Variants in UNC50 observed in about 807,000 individuals in gnomAD.
UNC50 encodes the protein unc-50 inner nuclear membrane RNA binding protein.
Under a neutral mutation model 31.5 loss-of-function variants are expected in UNC50, and 24 were observed. The observed-to-expected ratio is 0.76, with a 90% CI of 0.55 to 1.07. The LOEUF is 1.07. UNC50 is among the 50% of genes least tolerant of loss of function. The pLI is 0.00. For synonymous variants in UNC50, 118 were observed against 114.7 expected, an observed-to-expected ratio of 1.03 and a Z score of -0.18; for missense variants, 245 against 304.2, an observed-to-expected ratio of 0.81 and a Z score of 1.45.
At chr2:98,616,107 G>A (rs944079262) in intron 3 of UNC50, 100 bp from the exon 4 acceptor site, 2 of 1,222,844 alleles carry the variant, frequency 1.6e-6, no homozygotes, top group Non-Finnish European at 2.3e-6. Context: ...TTGTTTACTG[G>A]TATATCTCCA....
At chr2:98,616,130 T>C (rs1700915720) in intron 3 of UNC50, 77 bp from the exon 4 acceptor site, 1 of 1,437,240 alleles carries the variant, frequency 7.0e-7, no homozygotes, top group African/African-American at 1.4e-5. Flanking sequence ...ATTTAGAATG[T>C]CTGCCGCATA....
rs755322666 is a variant in UNC50 at position 98,618,190 on chromosome 2, A to G, written c.666A>G (p.Thr222=). ...CAGCATTGCCATTTTTGAAAAATAC[A>G]GTAATTCTTCTGTATCCATTTGCAC... is the stretch of plus-strand genomic sequence containing the variant. ...GYSALPFLKN[T]VILLYPFAPL... Residue 222 remains threonine, a synonymous_variant, in exon 6 of 6, where the codon ACA becomes ACG. Transcript: ENST00000357765. The G allele has an allele frequency of 1.9e-6, 3 of 1,591,546 alleles. No homozygotes were observed. The highest frequency in any genetic ancestry group is 1.2e-5 in the South Asian group (1 of 86,194).
chr2:98,616,952 C>T (rs1389661690), intron 5 of UNC50, among the ~76,000 whole-genome samples: 4 of 152,170 alleles, frequency 2.6e-5, no homozygotes, highest in Non-Finnish European at 5.9e-5. Flanking sequence ...TTACATAGGT[C>T]TATGAACTGA....
intron 5 of UNC50, among the ~76,000 whole-genome samples, chr2:98,617,651 A>T (rs1166964484): frequency 6.6e-6 from 1 of 152,208 alleles, no homozygotes. Context: ...TTGGAGCCAG[A>T]CTTTTATATT....
intron 3 of UNC50, among the ~76,000 whole-genome samples, chr2:98,613,881 A>G (rs1700878209): frequency 6.6e-6 from 1 of 152,262 alleles, no homozygotes; most frequent in South Asian, 2.1e-4. Context: ...AGAAGCCAGC[A>G]TAAGGTGGTG....
At position 98,618,383 on chromosome 2, in the gene UNC50, C is replaced by CTA. The variant is rs1700976254; in HGVS notation, c.*81_*82dup. 2.8e-6 allele frequency: 4 copies of CTA among 1,436,748 alleles called. No homozygotes were observed. The highest frequency in any genetic ancestry group is 3.7e-6 in the Non-Finnish European group (4 of 1,083,464). The allele number at this position is 1,436,748 out of a possible 1,614,324, so 89.0% of individuals were successfully genotyped here. ...ATTTCTTGTAAAACTTGTAAATAAA[C>CTA]TATCATCTTTGTAGATATCTTAAAG... On this transcript the variant is annotated 3_prime_UTR_variant, in exon 6 of 6. Transcript: ENST00000357765.
At position 98,611,905 on chromosome 2, in the gene UNC50, C is replaced by A. The variant is rs191266484; in HGVS notation, c.401+1010C>A. 3.1e-3 allele frequency among the ~76,000 whole-genome samples: 470 copies of A among 150,300 alleles called. 4 individuals are homozygous for A. Among genetic ancestry groups the A allele is most frequent in the African/African-American group, 0.011 (447 of 41,146 alleles). ...GAAAAAGAAGGATTTTTTTTTTAAA[C>A]TTCTCATGCCTTCCTACTGAGAATA... is the stretch of plus-strand genomic sequence containing the variant. On this transcript the variant is annotated intron_variant, in intron 3 of 5. Coordinates refer to ENST00000357765, the MANE Select transcript of UNC50 (RefSeq NM_014044.7).
chr2:98,615,781 G>A (rs1305387107), intron 3 of UNC50, among the ~76,000 whole-genome samples: 4 of 152,254 alleles, frequency 2.6e-5, no homozygotes, highest in Middle Eastern at 6.8e-3. Context: ...ATTGTAAAAC[G>A]GCCACAGGCT....
chr2:98,608,836 C>T (rs970924867), intron 1 of UNC50, 110 bp downstream of exon 1: 15 of 254,650 alleles, frequency 5.9e-5, no homozygotes, highest in African/African-American at 3.5e-4. Context: ...GTGACCATGT[C>T]GGCGTCCGGC....
chr2:98,611,972 C>T (rs903424485), intron 3 of UNC50, among the ~76,000 whole-genome samples: 4 of 138,750 alleles, frequency 2.9e-5, no homozygotes, highest in Non-Finnish European at 6.4e-5. Flanking sequence ...CCCTCCGCCC[C>T]CCCCGCCCCC....
rs780604320 is a variant in UNC50 at position 98,616,501 on chromosome 2, A to G, written c.611A>G (p.Tyr204Cys). Reference sequence around the variant, plus strand: ...ACCTTATGGTTGGTTGCAGTTGGCTATTATATCTATGTAACTTTCCTGGGA... The same window carrying G: ...ACCTTATGGTTGGTTGCAGTTGGCTGTTATATCTATGTAACTTTCCTGGGA... ...GNTLWLVAVG[Y>C]YIYVTFLGYS... The change falls in exon 5 of 6, where the codon TAT becomes TGT. Residue 204 changes from tyrosine to cysteine, a missense_variant. Transcript: ENST00000357765. 1.2e-6 allele frequency: 2 copies of G among 1,613,950 alleles called. No homozygotes were observed. The highest frequency in any genetic ancestry group is 1.3e-5 in the African/African-American group (1 of 75,018).
chr2:98,615,163 T>C (rs1353960604), intron 3 of UNC50, among the ~76,000 whole-genome samples: 1 of 152,226 alleles, frequency 6.6e-6, no homozygotes, highest in Non-Finnish European at 1.5e-5. Flanking sequence ...TCATCCTCCT[T>C]TTAATAGGGG....
At chr2:98,613,965 C>T (rs774352342) in intron 3 of UNC50, among the ~76,000 whole-genome samples, 4 of 152,152 alleles carry the variant, frequency 2.6e-5, no homozygotes, top group African/African-American at 7.2e-5. Flanking sequence ...GTGTGAACAG[C>T]ACACTAGGTC....
intron 3 of UNC50, among the ~76,000 whole-genome samples, chr2:98,613,315 G>T (rs1477922432): frequency 6.6e-6 from 1 of 152,190 alleles, no homozygotes; most frequent in African/African-American, 2.4e-5. Flanking sequence ...CAAGCATTCT[G>T]CCCTGAATGC....
chr2:98,610,853 T>C lies in UNC50; in HGVS notation c.359T>C (p.Ile120Thr), dbSNP rs1700815135. ...AAGCTTCTCCTTTGGGTTGTACTCA[T>C]AGATTGTGTAGGCGTTGGTCTTCTG... ...TIKLLLWVVLIDCVGVGLLIA... is the reference protein window; with the variant it reads ...TIKLLLWVVLTDCVGVGLLIA... Residue 120 changes from isoleucine (I) to threonine (T), a missense_variant, in exon 3 of 6, where the codon ATA (isoleucine) becomes ACA (threonine). Ile to Thr is a moderately conservative substitution (Grantham distance 89). Transcript: ENST00000357765. The C allele has an allele frequency of 6.2e-7, 1 of 1,614,066 alleles. No individual in the cohort carries two copies. The highest frequency in any genetic ancestry group is 8.5e-7 in the Non-Finnish European group (1 of 1,180,010).
chr2:98,610,896 G>T lies in UNC50; in HGVS notation c.401+1G>T, dbSNP rs1700816393. ...GTCTTCTGATAGCAACTTTAATGTGGTAAGTACCATAACTTTGGTTTTTCA... is the reference window on the plus strand; with the variant it reads ...GTCTTCTGATAGCAACTTTAATGTGTTAAGTACCATAACTTTGGTTTTTCA... On this transcript the variant is annotated splice_donor_variant, in intron 3 of 5. Coordinates refer to ENST00000357765, the MANE Select transcript of UNC50 (RefSeq NM_014044.7). LOFTEE classifies it high-confidence loss of function. 1.9e-6 allele frequency: 3 copies of T among 1,613,038 alleles called. No individual in the cohort carries two copies. The East Asian group carries it at 6.7e-5, about 36-fold the overall frequency.
At position 98,618,313 on chromosome 2, in the gene UNC50, A is replaced by C; in HGVS notation, c.*9A>C. 6.3e-7 allele frequency: 1 copy of C among 1,587,478 alleles called. No individual in the cohort carries two copies. On this transcript the variant is annotated 3_prime_UTR_variant, in exon 6 of 6. Coordinates refer to ENST00000357765, the MANE Select transcript of UNC50 (RefSeq NM_014044.7). ...AGTACAGAGTGAAATAAAAAGTGAGAAGAAGATTCAATCGTAACTGTGTCA... is the reference window on the plus strand; with the variant it reads ...AGTACAGAGTGAAATAAAAAGTGAGCAGAAGATTCAATCGTAACTGTGTCA...
At chr2:98,617,510 C>T (rs1040547647) in intron 5 of UNC50, among the ~76,000 whole-genome samples, 3 of 152,140 alleles carry the variant, frequency 2.0e-5, no homozygotes, top group Admixed American at 6.5e-5. Context: ...CTCCTGGTAA[C>T]GACCTATACC....
At chr2:98,615,236 A>G (rs1200211289) in intron 3 of UNC50, among the ~76,000 whole-genome samples, 2 of 152,180 alleles carry the variant, frequency 1.3e-5, no homozygotes, top group Non-Finnish European at 2.9e-5. Context: ...TGGTGACATC[A>G]TTCAGGCCCG....
Sources: allele counts gnomAD v4.1 joint callset (sites outside exome capture counted in the v4.1 genomes callset), GRCh38; gene constraint gnomAD v4.1.1; transcripts MANE v1.5; gene names NCBI Gene and HGNC (gene_info 2026-07-23, HGNC 2026-07-21).